DPP6: variants seen among roughly 807,000 people sequenced by gnomAD.
The protein encoded by DPP6 is A-type potassium channel modulatory protein DPP6.
DPP6 carries 69 observed loss-of-function variants against 122.6 expected under a neutral mutation model. The ratio of observed to expected loss-of-function variants is 0.56; its 90% CI spans 0.46 to 0.69. The LOEUF (loss-of-function observed/expected upper bound fraction) is 0.69, where lower values mean the gene tolerates loss of function less well. DPP6 is among the 30% of genes least tolerant of loss of function. The pLI is 0.00. For missense variants in DPP6, 928 were observed against 1,116.9 expected (o/e 0.83, Z 2.41); for synonymous variants, 418 against 433.1 (o/e 0.97, Z 0.43).
intron 1 of DPP6, among the ~76,000 whole-genome samples, chr7:154,153,136 G>A (rs1163082981): frequency 6.6e-6 from 1 of 152,236 alleles, no homozygotes; most frequent in Non-Finnish European, 1.5e-5. Flanking sequence ...ATTATAGAAA[G>A]CAAAGTAAGT....
chr7:153,951,475 C>T (rs961228851), intron 1 of DPP6, among the ~76,000 whole-genome samples: 11 of 152,140 alleles, frequency 7.2e-5, no homozygotes, highest in African/African-American at 2.4e-4. Flanking sequence ...CTTTTCCACT[C>T]TGTCACCGAA....
chr7:154,438,343 G>A (rs1168348468), intron 1 of DPP6, among the ~76,000 whole-genome samples: 1 of 151,334 alleles, frequency 6.6e-6, no homozygotes, highest in Non-Finnish European at 1.5e-5. Flanking sequence ...GGTGGCGGGA[G>A]CCTGTAGTCC....
Position 154,061,951 on chromosome 7 carries a change from CTG to C in DPP6, c.243+8889_243+8890del, listed in dbSNP as rs1585280070. The stretch of plus-strand genomic sequence containing the variant: ...CCCATCGCAGGAGGGGGAGGCAACC[CTG>C]CGAGGGTGGGGACTGAGAGCTATCC... On this transcript the variant is annotated intron_variant, in intron 1 of 25. Coordinates refer to ENST00000377770, the MANE Select transcript of DPP6 (RefSeq NM_130797.4). 1.2e-3 allele frequency among the ~76,000 whole-genome samples: 163 copies of C among 131,810 alleles called. 9 individuals carry two copies. Among genetic ancestry groups the C allele is most frequent in the Admixed American group, 2.9e-3 (38 of 13,120 alleles). 86.5% of individuals were successfully genotyped at this position (131,810 alleles called of 152,430 possible).
intron 1 of DPP6, among the ~76,000 whole-genome samples, chr7:154,221,637 TCA>T (rs1233413483): frequency 6.6e-6 from 1 of 152,204 alleles, no homozygotes; most frequent in Non-Finnish European, 1.5e-5. Context: ...TAACAATAAA[TCA>T]CAGGAAGGTG....
At chr7:154,363,872 C>G (rs1419019523) in intron 1 of DPP6, among the ~76,000 whole-genome samples, 2 of 152,132 alleles carry the variant, frequency 1.3e-5, no homozygotes, top group Non-Finnish European at 2.9e-5. Context: ...GTGTCTGAAA[C>G]ATTTTTATCT....
chr7:154,077,890 C>T (rs1476793323), intron 1 of DPP6, among the ~76,000 whole-genome samples: 2 of 151,948 alleles, frequency 1.3e-5, no homozygotes, highest in Non-Finnish European at 2.9e-5. Context: ...AGGATGGTCT[C>T]GATCTCTTGA....
intron 1 of DPP6, among the ~76,000 whole-genome samples, chr7:154,186,580 T>C (rs1798364773): frequency 1.3e-5 from 2 of 152,198 alleles, no homozygotes; most frequent in Non-Finnish European, 2.9e-5. Flanking sequence ...GCAACTGACT[T>C]GGGGTCCCAA....
At chr7:153,935,074 C>T (rs949625384) in intron 1 of DPP6, among the ~76,000 whole-genome samples, 3 of 152,200 alleles carry the variant, frequency 2.0e-5, no homozygotes, top group Non-Finnish European at 4.4e-5. Context: ...AATGTCCTGA[C>T]ATAACGCTGT....
chr7:153,889,172 G>GCC (rs1429899131), intron 1 of DPP6, among the ~76,000 whole-genome samples: 3 of 152,100 alleles, frequency 2.0e-5, no homozygotes, highest in Admixed American at 6.5e-5. Flanking sequence ...GAGACGACAA[G>GCC]CCCCCATCTA....
At chr7:154,539,278 T>C (rs1828515776) in intron 3 of DPP6, among the ~76,000 whole-genome samples, 1 of 152,200 alleles carries the variant, frequency 6.6e-6, no homozygotes, top group African/African-American at 2.4e-5. Context: ...TCTTCTAAGG[T>C]AGTGGCTGCA....
At chr7:154,718,793 C>G (rs1304776198) in intron 7 of DPP6, among the ~76,000 whole-genome samples, 1 of 152,080 alleles carries the variant, frequency 6.6e-6, no homozygotes, top group Non-Finnish European at 1.5e-5. Flanking sequence ...GCACCCACCA[C>G]CATGCCTGGC....
In DPP6 at chr7:154,053,001, G is replaced by A; in HGVS notation, c.181G>A (p.Gly61Ser). 6 of 1,056,820 alleles carry A rather than the reference G, an allele frequency of 5.7e-6. No individual in the cohort carries two copies. The highest frequency in any genetic ancestry group is 5.7e-6 in the Non-Finnish European group (5 of 876,648). The allele number at this position is 1,056,820 out of a possible 1,614,324, so 65.5% of individuals were successfully genotyped here. The change falls in exon 1 of 26, where the codon GGC becomes AGC. Residue 61 changes from glycine (G) to serine (S), a missense_variant. Gly to Ser is a moderately conservative substitution (Grantham distance 56). Transcript: ENST00000377770. ...AAPRERGGGG[G>S]GAGGRPRFQY... is the part of the protein sequence containing the mutation. Reference sequence around the variant, plus strand: ...GCCCCGGGAGCGCGGCGGCGGCGGCGGCGGCGCGGGTGGCCGGCCCCGGTT... The same window carrying A: ...GCCCCGGGAGCGCGGCGGCGGCGGCAGCGGCGCGGGTGGCCGGCCCCGGTT...
At chr7:154,734,033 TAC>T (rs1842464292) in intron 8 of DPP6, among the ~76,000 whole-genome samples, 1 of 152,246 alleles carries the variant, frequency 6.6e-6, no homozygotes, top group African/African-American at 2.4e-5. Flanking sequence ...CGATAACTGG[TAC>T]AGTCTTCAGT....
At chr7:154,181,749 CTTTTTTTT>C (rs57576340) in intron 1 of DPP6, among the ~76,000 whole-genome samples, 6 of 134,912 alleles carry the variant, frequency 4.4e-5, no homozygotes, top group African/African-American at 1.7e-4. Flanking sequence ...GCATCTCCCT[CTTTTTTTT>C]TTTTTTTTTT....
At chr7:153,895,196 C>A (rs1799356320) in intron 1 of DPP6, among the ~76,000 whole-genome samples, 1 of 152,012 alleles carries the variant, frequency 6.6e-6, no homozygotes, top group Non-Finnish European at 1.5e-5. Flanking sequence ...TGTCTGAGGT[C>A]CCCCCGAAAA....
chr7:154,240,270 G>C (rs138375664), intron 1 of DPP6, among the ~76,000 whole-genome samples: 1 of 152,030 alleles, frequency 6.6e-6, no homozygotes, highest in Non-Finnish European at 1.5e-5. Context: ...TACTGCCAGC[G>C]TAGATTGTCT....
intron 1 of DPP6, among the ~76,000 whole-genome samples, chr7:153,894,604 G>A (rs1022685078): frequency 6.6e-6 from 1 of 152,168 alleles, no homozygotes; most frequent in African/African-American, 2.4e-5. Flanking sequence ...TATGGGTGTT[G>A]TGGAGTTGGG....
the DPP6 span, among the ~76,000 whole-genome samples, chr7:153,857,322 T>TTCTCTCTCTCTCTCTC: frequency 0.031 from 3,906 of 124,268 alleles, 200 homozygotes; most frequent in Non-Finnish European, 0.035. Flanking sequence ...CTCAAAGGTT[T>TTCTCTCTCTCTCTCTC]TCTCTCTCTC....
intron 6 of DPP6, among the ~76,000 whole-genome samples, chr7:154,641,233 TA>T (rs1422755340): frequency 6.6e-6 from 1 of 152,192 alleles, no homozygotes; most frequent in Non-Finnish European, 1.5e-5. Flanking sequence ...AATTTTGATA[TA>T]ATCAAAAATC....
Sources: gnomAD v4.1 joint callset for allele counts (sites outside exome capture counted in the v4.1 genomes callset) on GRCh38, gnomAD v4.1.1 for gene constraint, MANE v1.5 for transcripts, NCBI Gene and HGNC (gene_info 2026-07-23, HGNC 2026-07-21) for gene names.